ISX: variants seen among roughly 807,000 people sequenced by gnomAD.
ISX encodes intestine specific homeobox, also known as intestine-specific homeobox.
In ISX, 15 loss-of-function variants were observed where a neutral mutation model predicts 16.9. That is an observed-to-expected ratio of 0.89 (90% CI 0.59 to 1.36). The LOEUF is 1.36. ISX is among the 40% of genes most tolerant of loss of function. ISX has a pLI of 0.00. For missense variants in ISX, 316 were observed against 306.1 expected, an observed-to-expected ratio of 1.03 and a Z score of -0.24; for synonymous variants, 125 against 119.7, an observed-to-expected ratio of 1.04 and a Z score of -0.29.
At chr22:35,081,442 T>A (rs1929121774) in intron 2 of ISX, among the ~76,000 whole-genome samples, 1 of 152,186 alleles carries the variant, frequency 6.6e-6, no homozygotes, top group Non-Finnish European at 1.5e-5. Flanking sequence ...CATCTTGAAA[T>A]CTTAGTAATT....
chr22:35,085,312 TA>T, intron 4 of ISX, 141 bp from the exon 5 acceptor site: 3 of 1,028,148 alleles, frequency 2.9e-6, no homozygotes, highest in Non-Finnish European at 4.4e-6. Context: ...CTTTCAGAGC[TA>T]AACCCAGAAG....
chr22:35,075,937 AT>A (rs1928968078), intron 2 of ISX, among the ~76,000 whole-genome samples: 1 of 152,236 alleles, frequency 6.6e-6, no homozygotes, highest in Non-Finnish European at 1.5e-5. Context: ...GAAAATACAG[AT>A]AAAAAGGTAA....
intron 2 of ISX, among the ~76,000 whole-genome samples, chr22:35,070,315 C>G (rs544659216): frequency 6.6e-5 from 10 of 152,366 alleles, no homozygotes; most frequent in Admixed American, 1.3e-4. Context: ...GCCTCCTGCT[C>G]TCTCCTCCAA....
intron 2 of ISX, among the ~76,000 whole-genome samples, chr22:35,070,561 C>G (rs1289112528): frequency 3.3e-5 from 5 of 152,226 alleles, no homozygotes; most frequent in African/African-American, 9.6e-5. Flanking sequence ...GACTGCCTGG[C>G]CTGTGGGGAA....
rs1180856624 is a variant in ISX at position 35,068,235 on chromosome 22, C to T, written c.229+919C>T. On this transcript the variant is annotated intron_variant, in intron 2 of 4. Transcript: ENST00000404699. ...TCACATGAGGTTCTCAGTTCTCTCC[C>T]CTTTTCACCCCTTTTAATCCCAGAA... Among the ~76,000 whole-genome samples the T allele has an allele frequency of 4.6e-5, 7 of 152,326 alleles. No individual in the cohort carries two copies. In the South Asian group the frequency reaches 1.2e-3, roughly 27 times the overall value.
In ISX at chr22:35,066,335, C is replaced by A. The variant is rs1257184328; in HGVS notation, c.-464C>A. The stretch of plus-strand genomic sequence containing the variant: ...AAAAGCCAGGGCCAGCCCAGAGGCA[C>A]CTGAGAAGAATCAGACCCACAGCTC... On this transcript the variant is annotated 5_prime_UTR_variant, in exon 1 of 5. Coordinates refer to ENST00000404699, the MANE Select transcript of ISX (RefSeq NM_001303508.2). 3.9e-5 allele frequency: 6 copies of A among 152,432 alleles called. No homozygotes were observed. The highest frequency in any genetic ancestry group is 1.4e-4 in the African/African-American group (6 of 41,406). The allele number at this position is 152,432 out of a possible 1,614,324, so 9.4% of individuals were successfully genotyped here.
intron 2 of ISX, among the ~76,000 whole-genome samples, chr22:35,077,209 C>T (rs1929005963): frequency 6.6e-6 from 1 of 152,230 alleles, no homozygotes; most frequent in African/African-American, 2.4e-5. Context: ...ATTTTCCAGC[C>T]TCTTGTCTAA....
chr22:35,078,332 G>T (rs1427555612), intron 2 of ISX, among the ~76,000 whole-genome samples: 1 of 152,086 alleles, frequency 6.6e-6, no homozygotes, highest in East Asian at 1.9e-4. Context: ...TTAGGTGCTG[G>T]TTACAGAGAT....
intron 2 of ISX, among the ~76,000 whole-genome samples, chr22:35,076,881 G>C (rs943135525): frequency 6.6e-6 from 1 of 152,160 alleles, no homozygotes; most frequent in Non-Finnish European, 1.5e-5. Context: ...ATTAACAACG[G>C]GGAGAGGAGC....
Position 35,082,588 on chromosome 22 carries a change from C to A in ISX, c.300C>A (p.Ile100=). The A allele has an allele frequency of 1.2e-6, 2 of 1,614,212 alleles. No homozygotes were observed. The highest frequency in any genetic ancestry group is 1.1e-5 in the South Asian group (1 of 91,082). Residue 100 remains isoleucine (I), a synonymous_variant, in exon 3 of 5, where the codon ATC becomes ATA. Transcript: ENST00000404699. The part of the protein sequence containing the change: ...TTEQLHELEK[I]FHFTHYPDVH... ...AGCAGCTGCATGAGCTGGAGAAGAT[C>A]TTCCACTTTACCCACTACCCAGACG...
intron 2 of ISX, among the ~76,000 whole-genome samples, chr22:35,081,337 G>T (rs1306193083): frequency 2.0e-5 from 3 of 152,200 alleles, no homozygotes; most frequent in South Asian, 2.1e-4. Context: ...TGGAGGCAGG[G>T]CTGGCTTCAT....
Position 35,073,028 on chromosome 22 carries a change from C to T in ISX, c.229+5712C>T, listed in dbSNP as rs554711089. 3.2e-4 allele frequency among the ~76,000 whole-genome samples: 48 copies of T among 152,310 alleles called. No homozygotes were observed. The South Asian group carries it at 9.8e-3, about 31-fold the overall frequency. On this transcript the variant is annotated intron_variant, in intron 2 of 4. Coordinates refer to ENST00000404699, the MANE Select transcript of ISX (RefSeq NM_001303508.2). ...ACCCAGTTCTTCCCTATATAGGGCC[C>T]TCCACATGCTGCTTGAGTGTCCTCA...
chr22:35,078,209 T>A (rs1263366810), intron 2 of ISX, among the ~76,000 whole-genome samples: 1 of 151,446 alleles, frequency 6.6e-6, no homozygotes, highest in East Asian at 1.9e-4. Context: ...CTGCACTATA[T>A]CATTTACTAT....
rs1929199311 is a variant in ISX at position 35,084,493 on chromosome 22, T to A, written c.492T>A (p.Asp164Glu). The A allele has an allele frequency of 1.2e-6, 2 of 1,609,702 alleles. No homozygotes were observed. The highest frequency in any genetic ancestry group is 1.7e-6 in the Non-Finnish European group (2 of 1,177,092). Residue 164 changes from aspartate to glutamate, a missense_variant, in exon 4 of 5, where the codon GAT (aspartate) becomes GAA (glutamate). Physicochemically the swap from Asp to Glu is conservative, Grantham distance 45. Transcript: ENST00000404699. ...EASVALPTNL[D>E]VAGPTWTSTA... ...GTGTGGCCCTGCCCACAAATCTGGATGTGGCTGTAAGTGGCTGAGGCCTCA... is the reference window on the plus strand; with the variant it reads ...GTGTGGCCCTGCCCACAAATCTGGAAGTGGCTGTAAGTGGCTGAGGCCTCA...
At chr22:35,083,922 G>T (rs1193444052) in intron 3 of ISX, among the ~76,000 whole-genome samples, 1 of 152,218 alleles carries the variant, frequency 6.6e-6, no homozygotes, top group Non-Finnish European at 1.5e-5. Flanking sequence ...GAGGCCCCAG[G>T]GGTTGAAAAG....
At position 35,080,774 on chromosome 22, in the gene ISX, G is replaced by T. The variant is rs767026947; in HGVS notation, c.230-1744G>T. ...GAACCAGTTCCCACTACAACTACCT[G>T]GTTGGTGTATGTGAAGAACAGTTTT... On this transcript the variant is annotated intron_variant, in intron 2 of 4. Transcript: ENST00000404699. Among the ~76,000 whole-genome samples the T allele has an allele frequency of 2.6e-5, 4 of 152,228 alleles. No homozygotes were observed. The East Asian group carries it at 7.7e-4, about 29-fold the overall frequency.
In ISX at chr22:35,067,152, A is replaced by G. The variant is rs758740418; in HGVS notation, c.65A>G (p.Glu22Gly). The G allele has an allele frequency of 1.2e-6, 2 of 1,613,854 alleles. No individual in the cohort carries two copies. The highest frequency in any genetic ancestry group is 1.6e-4 in the Middle Eastern group (1 of 6,078). ...GAGAGAAATAGCTTGGGGTGCTGTG[A>G]GGCCCCGAAGAAGCTGAGCCTGTCC... The part of the protein sequence containing the change: ...GMERNSLGCC[E>G]APKKLSLSFS... The change falls in exon 2 of 5, where the codon GAG becomes GGG. Residue 22 changes from glutamate to glycine, a missense_variant. Coordinates refer to ENST00000404699, the MANE Select transcript of ISX (RefSeq NM_001303508.2).
intron 2 of ISX, among the ~76,000 whole-genome samples, chr22:35,076,632 C>T (rs534547496): frequency 7.6e-4 from 116 of 152,262 alleles, no homozygotes; most frequent in Non-Finnish European, 1.3e-3. Context: ...GACTGCCCAG[C>T]GGCAAAGTCC....
intron 2 of ISX, among the ~76,000 whole-genome samples, chr22:35,068,518 A>G (rs934341793): frequency 3.3e-5 from 5 of 152,216 alleles, no homozygotes; most frequent in Non-Finnish European, 7.3e-5. Flanking sequence ...CTTCCAGTCC[A>G]TTAAAGATTC....
Sources: allele counts gnomAD v4.1 joint callset (sites outside exome capture counted in the v4.1 genomes callset), GRCh38; gene constraint gnomAD v4.1.1; transcripts MANE v1.5; gene names NCBI Gene and HGNC (gene_info 2026-07-23, HGNC 2026-07-21).